The following RBBP8 variants were observed in gnomAD, a reference collection of about 807,000 sequenced individuals.
The protein encoded by RBBP8 is RB binding protein 8, endonuclease, also known as DNA endonuclease RBBP8.
RBBP8 carries 88 observed loss-of-function variants against 108.3 expected under a neutral mutation model. That is an observed-to-expected ratio of 0.81 (90% CI 0.68 to 0.97). RBBP8 has a LOEUF of 0.97. Ranked by LOEUF, RBBP8 falls within the 50% of genes least tolerant of loss-of-function variation. The pLI, the probability that RBBP8 is intolerant of heterozygous loss-of-function variation, is 0.00. For synonymous variants in RBBP8, 332 were observed against 348.2 expected, an observed-to-expected ratio of 0.95 and a Z score of 0.52; for missense variants, 1,023 against 1,049.0, an observed-to-expected ratio of 0.98 and a Z score of 0.34.
Position 22,992,875 on chromosome 18 carries a change from CTT to C in RBBP8, c.1051_1052del (p.Leu351ThrfsTer14). On this transcript the variant is annotated frameshift_variant, in exon 11 of 19. Coordinates refer to ENST00000327155, the MANE Select transcript of RBBP8 (RefSeq NM_002894.3). LOFTEE classifies it high-confidence loss of function. ...TTTGAATACAAGTTTGTCCCCTTCT[CTT>C]TTACAGCCTGGGAAAAAAAAACATC... ...LDLNTSLSPS[L>X]LQPGKKKHLK... is the part of the protein sequence containing the mutation. 1 of 1,613,940 alleles carries C rather than the reference CTT, an allele frequency of 6.2e-7. No homozygotes were observed. Among genetic ancestry groups the C allele is most frequent in the Non-Finnish European group, 8.5e-7 (1 of 1,179,936 alleles).
chr18:23,002,174 G>C (rs2045960026), intron 15 of RBBP8, among the ~76,000 whole-genome samples: 1 of 152,132 alleles, frequency 6.6e-6, no homozygotes, highest in Non-Finnish European at 1.5e-5. Context: ...CAGCACTTTG[G>C]AAGGCCAAGG....
At chr18:22,937,445 A>G (rs1485410353) in intron 2 of RBBP8, among the ~76,000 whole-genome samples, 1 of 150,828 alleles carries the variant, frequency 6.6e-6, no homozygotes, top group Non-Finnish European at 1.5e-5. Context: ...CCACTGTTGA[A>G]TTTTGTACAT....
intron 18 of RBBP8, among the ~76,000 whole-genome samples, chr18:23,022,664 A>AAAAT (rs1159051846): frequency 6.4e-5 from 3 of 47,212 alleles, no homozygotes; most frequent in Admixed American, 5.9e-4. Context: ...AAAATAAAAT[A>AAAAT]AAATAAATAA....
intron 17 of RBBP8, among the ~76,000 whole-genome samples, chr18:23,020,140 G>T (rs998023167): frequency 6.6e-6 from 1 of 150,430 alleles, no homozygotes; most frequent in Non-Finnish European, 1.5e-5. Flanking sequence ...TTGTATTTTG[G>T]CCAGGCACAG....
chr18:23,014,884 T>G (rs571254279), intron 16 of RBBP8, among the ~76,000 whole-genome samples: 110 of 152,168 alleles, frequency 7.2e-4, no homozygotes, highest in African/African-American at 2.1e-3. Context: ...TTCTGGTTTT[T>G]TTTTGTTTTG....
intron 6 of RBBP8, among the ~76,000 whole-genome samples, chr18:22,980,105 G>T (rs917427002): frequency 6.6e-6 from 1 of 152,038 alleles, no homozygotes; most frequent in South Asian, 2.1e-4. Context: ...AATTAGCCAG[G>T]CATGGTGTTG....
intron 2 of RBBP8, among the ~76,000 whole-genome samples, chr18:22,941,113 A>G (rs979976644): frequency 1.3e-5 from 2 of 152,076 alleles, no homozygotes; most frequent in Admixed American, 6.5e-5. Flanking sequence ...TAGAAATACA[A>G]CTGGTTTTAG....
At chr18:22,980,694 A>G (rs113353878) in intron 6 of RBBP8, among the ~76,000 whole-genome samples, 116 of 150,670 alleles carry the variant, frequency 7.7e-4, no homozygotes, top group Middle Eastern at 7.0e-3. Context: ...TTTCATCCAT[A>G]TGACTTAAGT....
intron 16 of RBBP8, among the ~76,000 whole-genome samples, chr18:23,009,396 A>G (rs2046116761): frequency 6.6e-6 from 1 of 151,468 alleles, no homozygotes; most frequent in African/African-American, 2.4e-5. Context: ...TTTTAAAGTC[A>G]TTTGGGATAA....
chr18:22,992,919 T>C lies in RBBP8; in HGVS notation c.1092T>C (p.Phe364=), dbSNP rs763116073. Reference sequence around the variant, plus strand: ...AAAAACATCTGAAAACACTCCCTTTTAGCAACACTTGTATATCTAGATTAG... The same window carrying C: ...AAAAACATCTGAAAACACTCCCTTTCAGCAACACTTGTATATCTAGATTAG... The part of the protein sequence containing the change: ...GKKKHLKTLP[F]SNTCISRLEK... Residue 364 remains phenylalanine, a synonymous_variant, in exon 11 of 19, where the codon TTT becomes TTC. Coordinates refer to ENST00000327155, the MANE Select transcript of RBBP8 (RefSeq NM_002894.3). 1 of 1,613,972 alleles carries C rather than the reference T, an allele frequency of 6.2e-7. No homozygotes were observed. The highest frequency in any genetic ancestry group is 8.5e-7 in the Non-Finnish European group (1 of 1,179,900).
chr18:23,011,630 G>A (rs2046163860), intron 16 of RBBP8, among the ~76,000 whole-genome samples: 2 of 151,758 alleles, frequency 1.3e-5, no homozygotes, highest in South Asian at 4.2e-4. Context: ...TAGTAGAGAT[G>A]GGGTTTCACC....
intron 2 of RBBP8, among the ~76,000 whole-genome samples, chr18:22,938,478 C>T (rs1007026932): frequency 1.3e-5 from 2 of 152,070 alleles, no homozygotes; most frequent in African/African-American, 4.8e-5. Context: ...TGAGCTGCGC[C>T]CAGCCAGATC....
chr18:23,009,996 G>C (rs1179208448), intron 16 of RBBP8, among the ~76,000 whole-genome samples: 1 of 152,206 alleles, frequency 6.6e-6, no homozygotes. Flanking sequence ...TCTTGACCTT[G>C]TGATCTGCCT....
chr18:23,017,270 G>A (rs977406091), intron 17 of RBBP8, among the ~76,000 whole-genome samples: 2 of 151,632 alleles, frequency 1.3e-5, no homozygotes, highest in Non-Finnish European at 2.9e-5. Flanking sequence ...CAGGAGAATC[G>A]CTTGAACCCG....
intron 4 of RBBP8, among the ~76,000 whole-genome samples, chr18:22,957,094 T>G (rs992944477): frequency 1.3e-5 from 2 of 152,100 alleles, no homozygotes; most frequent in African/African-American, 2.4e-5. Context: ...AGATGTATGG[T>G]TCTGCAACTA....
intron 12 of RBBP8, 137 bp downstream of exon 12, chr18:22,993,984 T>G: frequency 2.4e-6 from 2 of 816,646 alleles, no homozygotes; most frequent in African/African-American, 1.7e-5. Context: ...TATAGGACGA[T>G]TCTCACATTT....
chr18:22,931,057 G>A (rs977648712), upstream of RBBP8, among the ~76,000 whole-genome samples: 20 of 152,126 alleles, frequency 1.3e-4, no homozygotes, highest in African/African-American at 4.1e-4. Flanking sequence ...CCAAGACGTG[G>A]TTTTTTATCT....
intron 4 of RBBP8, among the ~76,000 whole-genome samples, chr18:22,954,106 C>A (rs768663245): frequency 1.3e-5 from 2 of 152,052 alleles, no homozygotes; most frequent in Non-Finnish European, 2.9e-5. Context: ...GGGACACAGC[C>A]AAATCATATC....
intron 6 of RBBP8, among the ~76,000 whole-genome samples, chr18:22,981,685 A>G (rs1270562136): frequency 1.3e-5 from 2 of 152,210 alleles, no homozygotes; most frequent in African/African-American, 4.8e-5. Context: ...TGTACTTAAA[A>G]TATTCTAGTT....
Sources: gnomAD v4.1 joint callset for allele counts (sites outside exome capture counted in the v4.1 genomes callset) on GRCh38, gnomAD v4.1.1 for gene constraint, MANE v1.5 for transcripts, NCBI Gene and HGNC (gene_info 2026-07-23, HGNC 2026-07-21) for gene names.